Variants in QTGAL observed in about 807,000 individuals in gnomAD.
The protein encoded by QTGAL is queuosine-tRNA galactosyltransferase.
the QTGAL span, among the ~76,000 whole-genome samples, chr17:82,946,489 GAATTGGTACATTTC>G: frequency 9.4e-4 from 143 of 151,728 alleles, 1 homozygote; most frequent in African/African-American, 3.3e-3. Context: ...GTATTTTATT[GAATTGGTACATTTC>G]AATAAAGTGT....
At chr17:83,046,792 T>C in the QTGAL span, among the ~76,000 whole-genome samples, 4 of 152,208 alleles carry the variant, frequency 2.6e-5, no homozygotes, top group South Asian at 2.1e-4. Context: ...ACTGTCATCA[T>C]TCACAGTATC....
the QTGAL span, among the ~76,000 whole-genome samples, chr17:83,049,680 G>A: frequency 4.6e-5 from 7 of 152,088 alleles, no homozygotes; most frequent in African/African-American, 1.7e-4. Context: ...ACAAAGTATC[G>A]GGCAGGAGGT....
the QTGAL span, among the ~76,000 whole-genome samples, chr17:82,990,858 T>C: frequency 9.4e-4 from 143 of 152,250 alleles, no homozygotes; most frequent in African/African-American, 3.3e-3. Context: ...CTGCTCTCTC[T>C]CCCTCTGTCT....
the QTGAL span, chr17:83,048,683 T>C: frequency 5.0e-6 from 8 of 1,613,748 alleles, no homozygotes; most frequent in Non-Finnish European, 6.8e-6. Flanking sequence ...CTGGCATCAT[T>C]GAAAACAGAC....
the QTGAL span, among the ~76,000 whole-genome samples, chr17:82,976,879 A>C: frequency 6.8e-5 from 2 of 29,480 alleles, no homozygotes; most frequent in Admixed American, 3.5e-4. Flanking sequence ...CACTATGGAG[A>C]GTCAGGGCCC....
At chr17:83,026,216 G>A in the QTGAL span, among the ~76,000 whole-genome samples, 16 of 152,298 alleles carry the variant, frequency 1.1e-4, no homozygotes, top group South Asian at 1.0e-3. Context: ...GAGAACCAGC[G>A]AGAGCGTGGG....
At chr17:83,002,829 T>C in the QTGAL span, among the ~76,000 whole-genome samples, 1 of 95,288 alleles carries the variant, frequency 1.0e-5, no homozygotes, top group African/African-American at 3.5e-5. Context: ...AGCTGTGGGA[T>C]TCCTGAGCCC....
chr17:83,025,545 C>T, the QTGAL span, among the ~76,000 whole-genome samples: 2 of 46,268 alleles, frequency 4.3e-5, no homozygotes, highest in African/African-American at 1.6e-4. Context: ...ACGGACACCG[C>T]GGAGTCCACA....
chr17:82,958,087 A>C, the QTGAL span, among the ~76,000 whole-genome samples: 1 of 140,402 alleles, frequency 7.1e-6, no homozygotes, highest in Non-Finnish European at 1.6e-5. Flanking sequence ...CTCTCCTCCC[A>C]CCGCAGCCCC....
the QTGAL span, chr17:82,947,115 C>T: frequency 5.1e-5 from 36 of 706,406 alleles, no homozygotes; most frequent in Non-Finnish European, 6.7e-5. Context: ...CTGCTAATAG[C>T]GGAGAGGCTG....
At chr17:82,994,772 T>A in the QTGAL span, among the ~76,000 whole-genome samples, 47,607 of 152,046 alleles carry the variant, frequency 0.31, 7,927 homozygotes, top group East Asian at 0.4. Context: ...AATATCACTG[T>A]AACCACTGAA....
the QTGAL span, among the ~76,000 whole-genome samples, chr17:82,955,939 G>A: frequency 7.5e-5 from 11 of 147,580 alleles, no homozygotes; most frequent in Admixed American, 6.7e-4. Context: ...ATAAGTGGGA[G>A]TTGAACAGTG....
At chr17:82,960,745 C>T in the QTGAL span, among the ~76,000 whole-genome samples, 2 of 152,242 alleles carry the variant, frequency 1.3e-5, no homozygotes, top group African/African-American at 4.8e-5. Context: ...ATGAGACTCC[C>T]GTCGGGTTAA....
chr17:82,944,326 G>A, the QTGAL span: 1 of 152,184 alleles, frequency 6.6e-6, no homozygotes, highest in Non-Finnish European at 1.5e-5. Flanking sequence ...GACACCTGGT[G>A]GCCTGGAAAG....
the QTGAL span, among the ~76,000 whole-genome samples, chr17:83,046,696 A>G: frequency 6.6e-6 from 1 of 152,260 alleles, no homozygotes; most frequent in Admixed American, 6.5e-5. Flanking sequence ...CAGAATTACA[A>G]TATGAGCCAG....
chr17:82,945,823 G>A, the QTGAL span: 2 of 152,230 alleles, frequency 1.3e-5, no homozygotes, highest in East Asian at 1.9e-4. Context: ...TGCTTTAGTG[G>A]ATAAACTTTA....
chr17:83,048,723 C>G, the QTGAL span: 1 of 1,614,154 alleles, frequency 6.2e-7, no homozygotes, highest in Non-Finnish European at 8.5e-7. Flanking sequence ...AGTCCTGTTG[C>G]AAAACAGACC....
chr17:83,044,935 G>A, the QTGAL span, among the ~76,000 whole-genome samples: 20 of 143,336 alleles, frequency 1.4e-4, no homozygotes, highest in African/African-American at 4.4e-4. Flanking sequence ...GACACAGTGA[G>A]ACTCTGTCTC....
At chr17:82,986,570 C>T in the QTGAL span, among the ~76,000 whole-genome samples, 1 of 152,328 alleles carries the variant, frequency 6.6e-6, no homozygotes, top group Non-Finnish European at 1.5e-5. Context: ...CGCTTTTCCG[C>T]GTGACACAGG....
Sources: gnomAD v4.1 joint callset for allele counts (sites outside exome capture counted in the v4.1 genomes callset) on GRCh38, gnomAD v4.1.1 for gene constraint, MANE v1.5 for transcripts, NCBI Gene and HGNC (gene_info 2026-07-23, HGNC 2026-07-21) for gene names.